SAMD5: variants seen among roughly 807,000 people sequenced by gnomAD.
The protein encoded by SAMD5 is sterile alpha motif domain-containing protein 5.
SAMD5 carries 13 observed loss-of-function variants against 11.3 expected under a neutral mutation model. The ratio of observed to expected loss-of-function variants is 1.15; its 90% confidence interval spans 0.75 to 1.83. The LOEUF (loss-of-function observed/expected upper bound fraction) is 1.83. Among genes scored for constraint, SAMD5 ranks in the 40% most tolerant of loss-of-function variants. The pLI, the probability that SAMD5 is intolerant of heterozygous loss-of-function variation, is 0.00. For synonymous variants in SAMD5, 129 were observed against 111.3 expected, an observed-to-expected ratio of 1.16 and a Z score of -1.00; for missense variants, 255 against 239.1, an observed-to-expected ratio of 1.07 and a Z score of -0.44.
At chr6:147,931,173 G>C in the SAMD5 span, among the ~76,000 whole-genome samples, 92 of 152,290 alleles carry the variant, frequency 6.0e-4, 1 homozygote, top group African/African-American at 2.2e-3. Context: ...TGGTGCAAAA[G>C]AGTTTTCTTT....
At chr6:147,630,158 A>C (rs935076734) in intron 1 of SAMD5, among the ~76,000 whole-genome samples, 21 of 152,040 alleles carry the variant, frequency 1.4e-4, no homozygotes, top group African/African-American at 4.3e-4. Context: ...CATGTTGGTC[A>C]GGCTGGTCTT....
At chr6:147,688,782 G>A (rs898304833) in intron 1 of SAMD5, among the ~76,000 whole-genome samples, 3 of 152,168 alleles carry the variant, frequency 2.0e-5, no homozygotes, top group African/African-American at 7.2e-5. Context: ...CACTTAAAAT[G>A]GAAATTTTGG....
At chr6:147,781,109 TG>T in the SAMD5 span, among the ~76,000 whole-genome samples, 1 of 152,144 alleles carries the variant, frequency 6.6e-6, no homozygotes, top group Non-Finnish European at 1.5e-5. Flanking sequence ...AAAATAATTT[TG>T]TCATCTGCCT....
At chr6:147,713,238 T>C (rs1361313216) in intron 1 of SAMD5, among the ~76,000 whole-genome samples, 1 of 152,224 alleles carries the variant, frequency 6.6e-6, no homozygotes, top group Non-Finnish European at 1.5e-5. Flanking sequence ...TGTTCTGCTA[T>C]GTTTGAAGAA....
chr6:147,578,772 A>T (rs1434348871), intron 1 of SAMD5, among the ~76,000 whole-genome samples: 1 of 139,730 alleles, frequency 7.2e-6, no homozygotes, highest in Non-Finnish European at 1.5e-5. Context: ...ACAGAACATC[A>T]AAAGTAATAT....
the SAMD5 span, among the ~76,000 whole-genome samples, chr6:147,795,123 G>C: frequency 6.7e-6 from 1 of 149,678 alleles, no homozygotes; most frequent in Admixed American, 6.7e-5. Flanking sequence ...GTGCAGGTTA[G>C]TTACATACGT....
chr6:147,516,806 G>A (rs990310794), intron 1 of SAMD5, among the ~76,000 whole-genome samples: 1 of 152,218 alleles, frequency 6.6e-6, no homozygotes, highest in Non-Finnish European at 1.5e-5. Flanking sequence ...GCCTGGACCT[G>A]CTGCAGAACC....
intron 1 of SAMD5, among the ~76,000 whole-genome samples, chr6:147,678,752 CT>C (rs1332761652): frequency 6.6e-6 from 1 of 152,122 alleles, no homozygotes; most frequent in Non-Finnish European, 1.5e-5. Context: ...CACTGTGTTA[CT>C]TTAGTGTGTT....
chr6:147,523,111 C>T lies in SAMD5; in HGVS notation c.459+13724C>T, dbSNP rs143561101. ...ATAGTCGGCTCCCTTCCTGCTCCTA[C>T]CCCACCCCAGACCTTTCAGTGAAAT... On this transcript the variant is annotated intron_variant, in intron 1 of 1. Coordinates refer to ENST00000367474, the MANE Select transcript of SAMD5 (RefSeq NM_001030060.3). Among the ~76,000 whole-genome samples the T allele has an allele frequency of 1.0e-3, 152 of 152,212 alleles. 1 individual carries two copies. Among genetic ancestry groups the T allele is most frequent in the Non-Finnish European group, 1.7e-3 (118 of 68,010 alleles).
rs184560961 is a variant in SAMD5 at position 147,729,810 on chromosome 6, C to T, written c.163-7507C>T. On this transcript the variant is annotated intron_variant, in intron 1 of 1. Transcript: ENST00000566741. ...TTCAAGAAACAGCAAGGAGGCTGGG[C>T]GTGGCGACTCATGCCTGTAATCCCA... 5.4e-3 allele frequency: 2,473 copies of T among 457,096 alleles called. 35 individuals are homozygous for T. The highest frequency in any genetic ancestry group is 0.017 in the Middle Eastern group (51 of 3,070). The allele number at this position is 457,096 out of a possible 1,614,324, so 28.3% of individuals were successfully genotyped here.
chr6:147,585,929 A>G (rs575349885), intron 1 of SAMD5, among the ~76,000 whole-genome samples: 1 of 152,316 alleles, frequency 6.6e-6, no homozygotes, highest in African/African-American at 2.4e-5. Flanking sequence ...CAAAAAAGAT[A>G]AAGGTTGTAA....
At position 147,567,049 on chromosome 6, in the gene SAMD5, A is replaced by C. The variant is rs1335445985; in HGVS notation, c.*2593A>C. The C allele has an allele frequency of 2.1e-6, 2 of 947,362 alleles. No individual in the cohort carries two copies. Among genetic ancestry groups the C allele is most frequent in the Non-Finnish European group, 2.5e-6 (2 of 795,492 alleles). 58.7% of individuals were successfully genotyped at this position (947,362 alleles called of 1,614,324 possible). ...TTTACATTTCCTAGAGTATTAAAAGAGATTAATTACAGACTTTCACTTGAT... is the reference window on the plus strand; with the variant it reads ...TTTACATTTCCTAGAGTATTAAAAGCGATTAATTACAGACTTTCACTTGAT... On this transcript the variant is annotated 3_prime_UTR_variant, in exon 2 of 2. Transcript: ENST00000367474.
intron 1 of SAMD5, among the ~76,000 whole-genome samples, chr6:147,670,605 G>A (rs184367188): frequency 2.0e-5 from 3 of 152,316 alleles, no homozygotes; most frequent in Admixed American, 6.5e-5. Context: ...GCACTTTTAT[G>A]TGTTGGTGAT....
At chr6:147,887,141 T>G in the SAMD5 span, among the ~76,000 whole-genome samples, 1 of 152,196 alleles carries the variant, frequency 6.6e-6, no homozygotes, top group Non-Finnish European at 1.5e-5. Context: ...CACCACTACT[T>G]TTTATAACAT....
At chr6:147,817,029 G>T in the SAMD5 span, among the ~76,000 whole-genome samples, 1 of 152,150 alleles carries the variant, frequency 6.6e-6, no homozygotes, top group Non-Finnish European at 1.5e-5. Context: ...AATTAAAATG[G>T]AGACCCCGCC....
At chr6:147,647,311 A>T (rs1246304953) in intron 1 of SAMD5, among the ~76,000 whole-genome samples, 1 of 152,218 alleles carries the variant, frequency 6.6e-6, no homozygotes, top group African/African-American at 2.4e-5. Flanking sequence ...ACAGGCCAGA[A>T]ATGGTGACTG....
the SAMD5 span, among the ~76,000 whole-genome samples, chr6:147,744,099 T>C: frequency 6.6e-6 from 1 of 152,218 alleles, no homozygotes; most frequent in Non-Finnish European, 1.5e-5. Flanking sequence ...CCTTTTCAGC[T>C]GTACAGCACT....
At chr6:147,942,631 G>A in the SAMD5 span, among the ~76,000 whole-genome samples, 1 of 152,172 alleles carries the variant, frequency 6.6e-6, no homozygotes, top group African/African-American at 2.4e-5. Flanking sequence ...GTTCATCCTT[G>A]GCTAAGAGGC....
At chr6:147,826,602 C>T in the SAMD5 span, among the ~76,000 whole-genome samples, 1 of 152,316 alleles carries the variant, frequency 6.6e-6, no homozygotes, top group African/African-American at 2.4e-5. Context: ...TTTCATATTT[C>T]TCATCTGGTG....
Sources: gnomAD v4.1 joint callset for allele counts (sites outside exome capture counted in the v4.1 genomes callset) on GRCh38, gnomAD v4.1.1 for gene constraint, MANE v1.5 for transcripts, NCBI Gene and HGNC (gene_info 2026-07-23, HGNC 2026-07-21) for gene names.